Variants in ANKRD30B observed in about 807,000 individuals in gnomAD.
The protein encoded by ANKRD30B is ankyrin repeat domain-containing protein 30B.
ANKRD30B carries 144 observed loss-of-function variants against 202.2 expected under a neutral mutation model. That is an observed-to-expected ratio of 0.71 (90% CI 0.62 to 0.82). The LOEUF (loss-of-function observed/expected upper bound fraction) is 0.82, where lower values mean the gene tolerates loss of function less well. Among genes scored for constraint, ANKRD30B ranks in the 40% least tolerant of loss-of-function variants. The pLI is 0.00. For synonymous variants in ANKRD30B, 508 were observed against 561.3 expected (o/e 0.91, Z 1.34); for missense variants, 1,487 against 1,669.1 (o/e 0.89, Z 1.90).
chr18:14,822,781 A>G (rs1970488201), intron 32 of ANKRD30B, 104 bp downstream of exon 32: 11 of 1,377,790 alleles, frequency 8.0e-6, no homozygotes. Context: ...TCAAAATTGG[A>G]TGGGAAAATT....
At chr18:14,842,980 A>C (rs1341393079) in intron 38 of ANKRD30B, 44 bp from the exon 39 acceptor site, 1 of 1,565,312 alleles carries the variant, frequency 6.4e-7, no homozygotes, top group African/African-American at 1.4e-5. Context: ...TATTTTGTGA[A>C]GTACACATTC....
chr18:14,779,868 A>G (rs1967607849), intron 10 of ANKRD30B, 92 bp from the exon 11 acceptor site: 2 of 884,592 alleles, frequency 2.3e-6, no homozygotes, highest in East Asian at 5.6e-5. Context: ...AAGAAAGTCC[A>G]CAGATTCATG....
At chr18:14,854,725 T>C (rs1464207645), downstream of ANKRD30B, among the ~76,000 whole-genome samples, 1 of 152,046 alleles carries the variant, frequency 6.6e-6, no homozygotes, top group South Asian at 2.1e-4. Flanking sequence ...AGTTAAGAGA[T>C]TGACAACTCT....
chr18:14,783,376 A>G (rs1283148624), intron 12 of ANKRD30B, among the ~76,000 whole-genome samples: 6 of 152,150 alleles, frequency 3.9e-5, no homozygotes, highest in East Asian at 1.9e-4. Flanking sequence ...AGGAGTGCTC[A>G]TTAGGTTTCT....
At chr18:14,897,406 C>T in the ANKRD30B span, among the ~76,000 whole-genome samples, 6 of 152,116 alleles carry the variant, frequency 3.9e-5, no homozygotes, top group Non-Finnish European at 7.4e-5. Context: ...GTCTCAAACT[C>T]CTGACCTCAG....
the ANKRD30B span, among the ~76,000 whole-genome samples, chr18:14,878,709 C>T: frequency 5.0e-4 from 76 of 152,230 alleles, 1 homozygote; most frequent in African/African-American, 1.8e-3. Flanking sequence ...GCTTCTTTTC[C>T]TGGGTTTCTA....
chr18:14,845,885 T>A (rs1213722809), intron 39 of ANKRD30B, among the ~76,000 whole-genome samples: 1 of 152,116 alleles, frequency 6.6e-6, no homozygotes, highest in Non-Finnish European at 1.5e-5. Flanking sequence ...GTTATTTCTG[T>A]CAGAGCATTA....
chr18:14,778,038 T>A lies in ANKRD30B; in HGVS notation c.1383T>A (p.Tyr461Ter), dbSNP rs1449133114. Residue 461 changes from tyrosine to a stop codon, truncating the protein, a stop_gained, in exon 10 of 44, where the codon TAT (tyrosine) becomes TAA (stop). Coordinates refer to ENST00000690538, the MANE Select transcript of ANKRD30B (RefSeq NM_001367607.2). LOFTEE classifies it high-confidence loss of function. ...ATACGTGTTTACCTGATGCTACATATCAAAAAGATATCAAAACAATAAATC... is the reference window on the plus strand; with the variant it reads ...ATACGTGTTTACCTGATGCTACATAACAAAAAGATATCAAAACAATAAATC... ...QNYTCLPDAT[Y>*]QKDIKTINHK... is the part of the protein sequence containing the mutation. 2.6e-6 allele frequency: 4 copies of A among 1,549,392 alleles called. No homozygotes were observed. Among genetic ancestry groups the A allele is most frequent in the Non-Finnish European group, 2.6e-6 (3 of 1,145,252 alleles).
the ANKRD30B span, among the ~76,000 whole-genome samples, chr18:14,880,981 T>C: frequency 6.6e-6 from 1 of 152,200 alleles, no homozygotes; most frequent in Non-Finnish European, 1.5e-5. Flanking sequence ...CTAGGAGCTT[T>C]CTAGAGGAGT....
chr18:14,795,395 CT>C (rs1968805244), intron 16 of ANKRD30B, among the ~76,000 whole-genome samples: 1 of 152,170 alleles, frequency 6.6e-6, no homozygotes, highest in Non-Finnish European at 1.5e-5. Context: ...CAGGGTTTCG[CT>C]ATTTTGGCCA....
chr18:14,870,644 C>T, the ANKRD30B span, among the ~76,000 whole-genome samples: 2 of 152,266 alleles, frequency 1.3e-5, no homozygotes, highest in African/African-American at 4.8e-5. Context: ...AGTGGGCTGC[C>T]TACACCCTCT....
the ANKRD30B span, among the ~76,000 whole-genome samples, chr18:14,924,456 G>A: frequency 1.1e-4 from 16 of 152,292 alleles, no homozygotes; most frequent in South Asian, 8.3e-4. Flanking sequence ...CTCCATGCCC[G>A]GCCTGTGCTA....
intron 39 of ANKRD30B, among the ~76,000 whole-genome samples, chr18:14,844,770 G>A (rs1251310170): frequency 2.6e-5 from 4 of 152,016 alleles, no homozygotes; most frequent in East Asian, 1.9e-4. Context: ...TTTAATGATC[G>A]CCATTCTAAC....
At chr18:14,757,189 GAT>G in intron 4 of ANKRD30B, among the ~76,000 whole-genome samples, 1 of 152,190 alleles carries the variant, frequency 6.6e-6, no homozygotes, top group Admixed American at 6.5e-5. Flanking sequence ...AGAGAAAAGA[GAT>G]AGGCTTTTGA....
chr18:14,809,149 T>TGGGGGGGGGGGG (rs1969752861), intron 26 of ANKRD30B, among the ~76,000 whole-genome samples: 1 of 122,500 alleles, frequency 8.2e-6, no homozygotes, highest in Non-Finnish European at 1.7e-5. Context: ...AGGGTGGGGG[T>TGGGGGGGGGGGG]GGGTTAATGA....
chr18:14,810,706 G>A (rs1202609717), intron 28 of ANKRD30B, among the ~76,000 whole-genome samples: 2 of 151,114 alleles, frequency 1.3e-5, no homozygotes, highest in African/African-American at 4.9e-5. Context: ...TGTTTTAGAA[G>A]TGTGACTCTA....
rs377335989 is a variant in ANKRD30B, at chr18:14,846,754, T to A, written c.3182-1962T>A. On this transcript the variant is annotated intron_variant, in intron 39 of 43. Coordinates refer to ENST00000690538, the MANE Select transcript of ANKRD30B (RefSeq NM_001367607.2). ...TACAACCACTCTTCCTCAGCCTTCT[T>A]TTTTCAAGTGTTAGTGTGGTATATC... Among the ~76,000 whole-genome samples, 87 of 152,174 alleles carry A rather than the reference T, an allele frequency of 5.7e-4. 1 individual carries two copies. The South Asian group carries it at 0.017, about 29-fold the overall frequency.
chr18:14,877,902 C>T, the ANKRD30B span: 1 of 152,248 alleles, frequency 6.6e-6, no homozygotes, highest in African/African-American at 2.4e-5. Context: ...GTTCGTGACC[C>T]TGTTAGCCCA....
chr18:14,832,831 T>C (rs2143105508), intron 34 of ANKRD30B, among the ~76,000 whole-genome samples: 1 of 152,330 alleles, frequency 6.6e-6, no homozygotes, highest in African/African-American at 2.4e-5. Context: ...ATCAGAGATA[T>C]GTAGTAAATA....
Sources: allele counts gnomAD v4.1 joint callset (sites outside exome capture counted in the v4.1 genomes callset), GRCh38; gene constraint gnomAD v4.1.1; transcripts MANE v1.5; gene names NCBI Gene and HGNC (gene_info 2026-07-23, HGNC 2026-07-21).